The following ANKHD1 variants were observed in gnomAD, a reference collection of about 807,000 sequenced individuals.
ANKHD1 encodes the protein ankyrin repeat and KH domain-containing protein 1.
Under a neutral mutation model 230.5 loss-of-function variants are expected in ANKHD1, and 31 were observed. The ratio of observed to expected loss-of-function variants is 0.13; its 90% confidence interval spans 0.10 to 0.18. ANKHD1 has a LOEUF of 0.18. ANKHD1 is among the 10% of genes least tolerant of loss of function. The pLI, the probability that ANKHD1 is intolerant of heterozygous loss-of-function variation, is 1.00. For missense variants in ANKHD1, 2,256 were observed against 3,071.3 expected (o/e 0.73, Z 6.27); for synonymous variants, 1,074 against 1,117.6 (o/e 0.96, Z 0.78).
chr5:140,475,586 GA>G (rs1017595615), intron 10 of ANKHD1, among the ~76,000 whole-genome samples: 3 of 152,116 alleles, frequency 2.0e-5, no homozygotes, highest in African/African-American at 2.4e-5. Context: ...AAAAAGGGGG[GA>G]AAAATTAGCA....
rs1753723184 is a variant in ANKHD1, at chr5:140,529,415, C to G, written c.6469C>G (p.Gln2157Glu). ...VPNATIHQDP[Q>E]SIFVTNPVTL... ...AAATGCAACTATTCACCAGGATCCCCAGTCTATTTTTGTTACGAATCCAGT... is the reference window on the plus strand; with the variant it reads ...AAATGCAACTATTCACCAGGATCCCGAGTCTATTTTTGTTACGAATCCAGT... The change falls in exon 29 of 34, where the codon CAG becomes GAG. Residue 2157 changes from glutamine (Q) to glutamate (E), a missense_variant. Transcript: ENST00000360839. 1.9e-6 allele frequency: 3 copies of G among 1,614,172 alleles called. No individual in the cohort carries two copies. The East Asian group carries it at 6.7e-5, about 36-fold the overall frequency.
intron 1 of ANKHD1, among the ~76,000 whole-genome samples, chr5:140,410,274 TA>T (rs1268825390): frequency 6.6e-6 from 1 of 152,180 alleles, no homozygotes; most frequent in Non-Finnish European, 1.5e-5. Flanking sequence ...TTTTAAATGG[TA>T]AATTTGAGAA....
rs563674997 is a variant in ANKHD1 at position 140,441,565 on chromosome 5, A to G, written c.913+423A>G. 2.0e-5 allele frequency among the ~76,000 whole-genome samples: 3 copies of G among 152,268 alleles called. No individual in the cohort carries two copies. The South Asian group carries it at 6.2e-4, about 32-fold the overall frequency. On this transcript the variant is annotated intron_variant, in intron 5 of 33. Coordinates refer to ENST00000360839, the MANE Select transcript of ANKHD1 (RefSeq NM_017747.3). ...TCTCACTGAATATTGAAAATTTACA[A>G]AAAGCGTTAAATATATAGAGATAAG...
At position 140,506,015 on chromosome 5, in the gene ANKHD1, G is replaced by C; in HGVS notation, c.3408+146G>C. The C allele has an allele frequency of 1.5e-6, 2 of 1,342,184 alleles. No homozygotes were observed. The highest frequency in any genetic ancestry group is 2.0e-6 in the Non-Finnish European group (2 of 1,009,230). 83.1% of individuals were successfully genotyped at this position (1,342,184 alleles called of 1,614,324 possible). ...GGCAGGGTCTTGCTCTGTCTCCCAG[G>C]CTAGAGTACAGTGGTGCAATTACAG... On this transcript the variant is annotated intron_variant, in intron 18 of 33. Transcript: ENST00000360839. This position sits in a 1 kb window ranked among gnomAD's most constrained non-coding sequence, Gnocchi z 4.7.
In ANKHD1 at chr5:140,487,180, C is replaced by G. The variant is rs1279945021; in HGVS notation, c.2245+120C>G. ...CCATGGCTAATTGAGGTAGATAATT[C>G]TGACAAATGCAAATAGTCTTACTAT... is the stretch of plus-strand genomic sequence containing the variant. On this transcript the variant is annotated intron_variant, in intron 14 of 33. Coordinates refer to ENST00000360839, the MANE Select transcript of ANKHD1 (RefSeq NM_017747.3). 3.7e-6 allele frequency: 4 copies of G among 1,080,456 alleles called. No homozygotes were observed. The East Asian group carries it at 1.2e-4, about 33-fold the overall frequency. The allele number at this position is 1,080,456 out of a possible 1,614,324, so 66.9% of individuals were successfully genotyped here. A position where few individuals can be genotyped will look rare whatever the true frequency, so the allele number is the denominator to read the frequency against.
intron 1 of ANKHD1, among the ~76,000 whole-genome samples, chr5:140,415,532 G>A (rs1771299606): frequency 7.1e-6 from 1 of 141,134 alleles, no homozygotes. Flanking sequence ...TCCACCTTCT[G>A]GGTTCAGGCG....
intron 6 of ANKHD1, 24 bp from the exon 7 acceptor site, chr5:140,449,187 A>T (rs888275849): frequency 8.2e-6 from 13 of 1,582,270 alleles, no homozygotes; most frequent in Non-Finnish European, 1.1e-5. Flanking sequence ...GAATTCTTTT[A>T]AAATTTTTGT....
At chr5:140,520,623 T>A (rs891167051) in intron 24 of ANKHD1, among the ~76,000 whole-genome samples, 2 of 151,898 alleles carry the variant, frequency 1.3e-5, no homozygotes, top group Non-Finnish European at 2.9e-5. Flanking sequence ...GTTCATGTCC[T>A]TTGTGGGGAC....
intron 1 of ANKHD1, among the ~76,000 whole-genome samples, chr5:140,426,824 G>C (rs961822624): frequency 6.6e-5 from 10 of 152,228 alleles, no homozygotes; most frequent in Non-Finnish European, 1.2e-4. Flanking sequence ...AGAGAGCATA[G>C]GGTTGGGGGC....
intron 20 of ANKHD1, among the ~76,000 whole-genome samples, chr5:140,509,268 C>T (rs73265802): frequency 2.6e-3 from 393 of 152,194 alleles, no homozygotes; most frequent in African/African-American, 9.2e-3. Context: ...GACTAACGTA[C>T]CAAAGGCACA....
intron 1 of ANKHD1, among the ~76,000 whole-genome samples, chr5:140,431,296 T>C (rs1408571599): frequency 1.3e-5 from 2 of 152,216 alleles, no homozygotes; most frequent in Non-Finnish European, 2.9e-5. Context: ...TTTAAAATTT[T>C]ATCATATGGG....
chr5:140,431,599 G>A (rs1773050435), intron 1 of ANKHD1, among the ~76,000 whole-genome samples: 2 of 152,242 alleles, frequency 1.3e-5, no homozygotes, highest in Admixed American at 1.3e-4. Context: ...GTTTATTGAG[G>A]AAGAAATAGA....
At chr5:140,456,435 A>G (rs1468242097) in intron 7 of ANKHD1, among the ~76,000 whole-genome samples, 1 of 152,148 alleles carries the variant, frequency 6.6e-6, no homozygotes, top group Admixed American at 6.6e-5. Flanking sequence ...AAAGCTGGAG[A>G]CATCACGCTA....
intron 14 of ANKHD1, among the ~76,000 whole-genome samples, chr5:140,494,837 A>G (rs1009252943): frequency 3.9e-5 from 6 of 152,252 alleles, no homozygotes; most frequent in African/African-American, 1.4e-4. Context: ...GTTGACTGCA[A>G]TTCAAAATAA....
intron 31 of ANKHD1, 21 bp from the exon 32 acceptor site, chr5:140,538,065 G>A (rs1210165155): frequency 5.7e-6 from 9 of 1,582,418 alleles, no homozygotes; most frequent in Non-Finnish European, 7.7e-6. Flanking sequence ...TTAAAACTTT[G>A]TTTTCAATTA....
intron 6 of ANKHD1, among the ~76,000 whole-genome samples, chr5:140,448,109 C>T (rs1411953761): frequency 1.3e-5 from 2 of 152,106 alleles, no homozygotes; most frequent in African/African-American, 4.8e-5. Flanking sequence ...CTGAGGTGGA[C>T]GGATCCCTTG....
intron 13 of ANKHD1, 80 bp from the exon 14 acceptor site, chr5:140,486,878 A>T (rs1561789500): frequency 1.4e-6 from 2 of 1,413,624 alleles, no homozygotes; most frequent in Non-Finnish European, 1.9e-6. Flanking sequence ...AGATAACCTA[A>T]AACAGGATAT....
intron 29 of ANKHD1, among the ~76,000 whole-genome samples, chr5:140,533,775 C>CAAAAA (rs1167136822): frequency 6.4e-4 from 19 of 29,658 alleles, no homozygotes; most frequent in African/African-American, 2.1e-3. Flanking sequence ...GACCCTGTCT[C>CAAAAA]AAAAAAAAAA....
chr5:140,497,714 T>TA (rs1752093224), intron 15 of ANKHD1, among the ~76,000 whole-genome samples: 1 of 152,220 alleles, frequency 6.6e-6, no homozygotes, highest in Admixed American at 6.5e-5. Context: ...TAGATCAACT[T>TA]ACGTATTTCC....
Sources: gnomAD v4.1 joint callset for allele counts (sites outside exome capture counted in the v4.1 genomes callset) on GRCh38, gnomAD v4.1.1 for gene constraint, Gnocchi (gnomAD v3.1) non-coding constraint, MANE v1.5 for transcripts, NCBI Gene and HGNC (gene_info 2026-07-23, HGNC 2026-07-21) for gene names.